The following ABCC11 variants were observed in gnomAD, a reference collection of about 807,000 sequenced individuals.
ABCC11 encodes ATP binding cassette subfamily C member 11.
In ABCC11, 135 loss-of-function variants were observed where a neutral mutation model predicts 149.3. That is an observed-to-expected ratio of 0.90 (90% confidence interval 0.79 to 1.04). ABCC11 has a LOEUF of 1.04. Among genes scored for constraint, ABCC11 ranks in the 50% least tolerant of loss-of-function variants. The pLI, the probability that ABCC11 is intolerant of heterozygous loss-of-function variation, is 0.00. For missense variants in ABCC11, 1,680 were observed against 1,722.1 expected, an observed-to-expected ratio of 0.98 and a Z score of 0.43; for synonymous variants, 665 against 671.4, an observed-to-expected ratio of 0.99 and a Z score of 0.15.
intron 1 of ABCC11, among the ~76,000 whole-genome samples, chr16:48,245,157 C>G (rs551291733): frequency 6.6e-6 from 1 of 152,264 alleles, no homozygotes; most frequent in South Asian, 2.1e-4. Context: ...CTTCTATACT[C>G]CCTGCCACCC....
chr16:48,222,752 G>A lies in ABCC11; in HGVS notation c.623C>T (p.Ala208Val). 1 of 1,614,234 alleles carries A rather than the reference G, an allele frequency of 6.2e-7. No homozygotes were observed. The highest frequency in any genetic ancestry group is 8.5e-7 in the Non-Finnish European group (1 of 1,180,040). ...NVVHGVGLCF[A>V]LFLSECVKSL... ...CTTCACACATTCGGAGAGAAAAAGG[G>A]CAAAGCAGAGTCCCACTCCATGGAC... Residue 208 changes from alanine to valine, a missense_variant, in exon 6 of 30, where the codon GCC becomes GTC. Transcript: ENST00000356608.
chr16:48,181,612 T>C lies in ABCC11; in HGVS notation c.3258+2828A>G, dbSNP rs569584448. ...CCTGGGTATTCCAAACCACATGTTC[T>C]TTTTTTTTTTTTTTCTGAGATGGAG... On this transcript the variant is annotated intron_variant, in intron 23 of 29. Transcript: ENST00000356608. 4.1e-4 allele frequency among the ~76,000 whole-genome samples: 57 copies of C among 138,414 alleles called. No individual in the cohort carries two copies. The South Asian group carries it at 0.012, about 30-fold the overall frequency. 90.8% of individuals were successfully genotyped at this position (138,414 alleles called of 152,430 possible). A position where few individuals can be genotyped will look rare whatever the true frequency, so the allele number is the denominator to read the frequency against.
intron 1 of ABCC11, among the ~76,000 whole-genome samples, chr16:48,236,496 T>C (rs1220330421): frequency 6.6e-6 from 1 of 152,248 alleles, no homozygotes; most frequent in African/African-American, 2.4e-5. Flanking sequence ...TCATTGAATG[T>C]AAGCTCTTTG....
intron 1 of ABCC11, among the ~76,000 whole-genome samples, chr16:48,235,438 C>G (rs562006420): frequency 6.6e-6 from 1 of 152,166 alleles, no homozygotes; most frequent in Non-Finnish European, 1.5e-5. Context: ...AGGAAACTAA[C>G]GACATGGAAA....
rs754612462 is a variant in ABCC11 at position 48,165,998 on chromosome 16, G to A, written c.*1276C>T. 2.8e-4 allele frequency among the ~76,000 whole-genome samples: 43 copies of A among 152,214 alleles called. No individual in the cohort carries two copies. The highest frequency in any genetic ancestry group is 5.9e-4 in the Non-Finnish European group (40 of 68,046). ...ATTATTTTATTTTCAGTTGTCATAC[G>A]TTGTAAGTTATGCTGCTCTTCAGTA... On this transcript the variant is annotated 3_prime_UTR_variant, in exon 30 of 30. Transcript: ENST00000356608.
chr16:48,233,471 T>C (rs1424749648), intron 1 of ABCC11, among the ~76,000 whole-genome samples: 1 of 151,962 alleles, frequency 6.6e-6, no homozygotes, highest in African/African-American at 2.4e-5. Context: ...TCAGGGATGA[T>C]AGAAAAGAGA....
chr16:48,199,965 C>T (rs1179491287), intron 15 of ABCC11, among the ~76,000 whole-genome samples: 2 of 152,052 alleles, frequency 1.3e-5, no homozygotes, highest in Admixed American at 6.5e-5. Flanking sequence ...CATGAGCCAC[C>T]GTGCTCGGCC....
intron 28 of ABCC11, 133 bp downstream of exon 28, chr16:48,169,972 T>C (rs796391773): frequency 5.5e-5 from 31 of 564,862 alleles, no homozygotes; most frequent in Non-Finnish European, 6.0e-5. Context: ...GTTGTTGTTG[T>C]TGTTGTTGTT....
chr16:48,243,083 A>AAG (rs1375139878), intron 1 of ABCC11, among the ~76,000 whole-genome samples: 2 of 151,802 alleles, frequency 1.3e-5, no homozygotes, highest in Non-Finnish European at 2.9e-5. Context: ...ACAGAAAAAA[A>AAG]ATAAAAGTAT....
chr16:48,221,642 T>C (rs959477491), intron 6 of ABCC11, among the ~76,000 whole-genome samples: 1 of 152,234 alleles, frequency 6.6e-6, no homozygotes, highest in Non-Finnish European at 1.5e-5. Context: ...CTTTCCAACA[T>C]GCTTCTATTT....
chr16:48,194,614 G>A (rs547006605), intron 18 of ABCC11, among the ~76,000 whole-genome samples: 1 of 152,296 alleles, frequency 6.6e-6, no homozygotes, highest in South Asian at 2.1e-4. Context: ...CCATGAGGAT[G>A]GAGCCCTCAT....
intron 1 of ABCC11, among the ~76,000 whole-genome samples, chr16:48,241,544 C>T (rs1970970013): frequency 6.6e-6 from 1 of 152,202 alleles, no homozygotes; most frequent in Non-Finnish European, 1.5e-5. Context: ...GAAAAAACTA[C>T]TTTAAAGCTC....
chr16:48,203,321 T>C lies in ABCC11; in HGVS notation c.1806-21A>G, dbSNP rs188260404. On this transcript the variant is annotated intron_variant, in intron 13 of 29. Transcript: ENST00000356608. ...GGTATCTGTGAAGGACAGGGAGCCATAAGGCACAGGGGACCAGCCCTCCCG... is the reference window on the plus strand; with the variant it reads ...GGTATCTGTGAAGGACAGGGAGCCACAAGGCACAGGGGACCAGCCCTCCCG... The C allele has an allele frequency of 1.0e-3, 1,584 of 1,561,546 alleles. 5 individuals carry two copies. The highest frequency in any genetic ancestry group is 1.9e-3 in the East Asian group (81 of 42,564).
intron 1 of ABCC11, 167 bp from the exon 2 acceptor site, chr16:48,232,106 C>T: frequency 2.9e-6 from 4 of 1,362,544 alleles, no homozygotes. Flanking sequence ...GTGCTTGATC[C>T]CTCTTTTTAA....
At chr16:48,171,079 G>A in intron 26 of ABCC11, 112 bp from the exon 27 acceptor site, 1 of 919,968 alleles carries the variant, frequency 1.1e-6, no homozygotes, top group Non-Finnish European at 1.7e-6. Context: ...TGGGGTTTAG[G>A]GAAATTCATG....
chr16:48,203,127 G>T, intron 14 of ABCC11, 101 bp downstream of exon 14: 1 of 1,283,994 alleles, frequency 7.8e-7, no homozygotes, highest in Non-Finnish European at 1.1e-6. Flanking sequence ...CAACTGCTTT[G>T]GGAGGAAGAG....
intron 28 of ABCC11, 142 bp downstream of exon 28, chr16:48,169,957 CTGTTGT>C (rs760834616): frequency 4.7e-5 from 27 of 570,740 alleles, no homozygotes; most frequent in East Asian, 2.5e-4. Context: ...GATTCTGTTG[CTGTTGT>C]TGTTGTTGTT....
In ABCC11 at chr16:48,215,234, C is replaced by G; in HGVS notation, c.1062G>C (p.Met354Ile). Reference protein sequence around the residue: ...EVLTCIKLIKMYTWEKPFAKI... With the variant: ...EVLTCIKLIKIYTWEKPFAKI... The stretch of plus-strand genomic sequence containing the variant: ...TTGCAAATGGTTTCTCCCATGTGTA[C>G]ATTTTAATCAGCTTAATGCAAGTGA... Residue 354 changes from methionine (M) to isoleucine (I), a missense_variant, in exon 8 of 30, where the codon ATG (methionine) becomes ATC (isoleucine). Transcript: ENST00000356608. The G allele has an allele frequency of 6.2e-7, 1 of 1,613,678 alleles. No individual in the cohort carries two copies. The highest frequency in any genetic ancestry group is 8.5e-7 in the Non-Finnish European group (1 of 1,179,586).
intron 11 of ABCC11, chr16:48,209,905 A>T (rs933446796): frequency 6.6e-6 from 1 of 152,316 alleles, no homozygotes; most frequent in Non-Finnish European, 1.5e-5. Flanking sequence ...GAAGGCTCAT[A>T]AGAAGGCGAA....
Sources: allele counts gnomAD v4.1 joint callset (sites outside exome capture counted in the v4.1 genomes callset), GRCh38; gene constraint gnomAD v4.1.1; transcripts MANE v1.5; gene names NCBI Gene and HGNC (gene_info 2026-07-23, HGNC 2026-07-21).